Variants in RASEF observed in about 807,000 individuals in gnomAD.
RASEF encodes the protein ras and EF-hand domain-containing protein.
RASEF carries 68 observed loss-of-function variants against 90.1 expected under a neutral mutation model. That is an observed-to-expected ratio of 0.75 (90% CI 0.62 to 0.92). The LOEUF (loss-of-function observed/expected upper bound fraction) is 0.92, where lower values mean the gene tolerates loss of function less well. RASEF is among the 40% of genes least tolerant of loss of function. The pLI, the probability that RASEF is intolerant of heterozygous loss-of-function variation, is 0.00. For synonymous variants in RASEF, 331 were observed against 345.2 expected, an observed-to-expected ratio of 0.96 and a Z score of 0.46; for missense variants, 949 against 937.2, an observed-to-expected ratio of 1.01 and a Z score of -0.16.
chr9:82,993,394 C>T (rs1828851337), intron 14 of RASEF, among the ~76,000 whole-genome samples: 1 of 152,108 alleles, frequency 6.6e-6, no homozygotes, highest in Non-Finnish European at 1.5e-5. Flanking sequence ...TTCTTATCTC[C>T]AGCACACAGA....
Position 83,007,436 on chromosome 9 carries a change from C to G in RASEF, c.1028+1G>C. The stretch of plus-strand genomic sequence containing the variant: ...AATGAGCATTTGATCTGCGGACTTA[C>G]TGGAGTATTTCAATTTGCCTCTCAA... On this transcript the variant is annotated splice_donor_variant, in intron 7 of 16. Coordinates refer to ENST00000376447, the MANE Select transcript of RASEF (RefSeq NM_152573.4). LOFTEE classifies it high-confidence loss of function. 1 of 1,603,016 alleles carries G rather than the reference C, an allele frequency of 6.2e-7. No homozygotes were observed. The highest frequency in any genetic ancestry group is 8.5e-7 in the Non-Finnish European group (1 of 1,169,890).
At chr9:83,088,403 TA>T in the RASEF span, among the ~76,000 whole-genome samples, 3 of 151,870 alleles carry the variant, frequency 2.0e-5, no homozygotes, top group Non-Finnish European at 4.4e-5. Context: ...GATAGATAGA[TA>T]GATAGATACA....
the RASEF span, among the ~76,000 whole-genome samples, chr9:83,209,422 T>A: frequency 6.6e-6 from 1 of 152,202 alleles, no homozygotes; most frequent in African/African-American, 2.4e-5. Context: ...GCAAATTTTT[T>A]AAAAAGAGAC....
the RASEF span, among the ~76,000 whole-genome samples, chr9:83,084,556 G>A: frequency 6.6e-6 from 1 of 152,088 alleles, no homozygotes; most frequent in Non-Finnish European, 1.5e-5. Context: ...AGGATTGTGG[G>A]GGCGACTTGA....
chr9:83,073,898 G>A, the RASEF span, among the ~76,000 whole-genome samples: 1 of 152,166 alleles, frequency 6.6e-6, no homozygotes, highest in Non-Finnish European at 1.5e-5. Flanking sequence ...ATTATTTGGA[G>A]GAGGTGGTGT....
At chr9:83,205,901 TAGCTGGTCA>T in the RASEF span, among the ~76,000 whole-genome samples, 1 of 152,194 alleles carries the variant, frequency 6.6e-6, no homozygotes, top group Non-Finnish European at 1.5e-5. Context: ...GGACCTCCTA[TAGCTGGTCA>T]TTCTGAATAT....
the RASEF span, among the ~76,000 whole-genome samples, chr9:83,191,324 T>A: frequency 6.6e-6 from 1 of 152,120 alleles, no homozygotes; most frequent in South Asian, 2.1e-4. Context: ...ACAGAAGACA[T>A]CTTAGTTGGA....
At chr9:83,084,456 A>T in the RASEF span, among the ~76,000 whole-genome samples, 2 of 152,216 alleles carry the variant, frequency 1.3e-5, no homozygotes, top group African/African-American at 4.8e-5. Flanking sequence ...GTCTTACATG[A>T]ATTAACCTGG....
At chr9:83,005,564 C>T in intron 7 of RASEF, 64 bp from the exon 8 acceptor site, 1 of 1,203,674 alleles carries the variant, frequency 8.3e-7, no homozygotes. Context: ...TCACTGTCAT[C>T]ACTTTCTTTT....
At chr9:83,036,046 T>C (rs1384643354) in intron 1 of RASEF, among the ~76,000 whole-genome samples, 1 of 152,224 alleles carries the variant, frequency 6.6e-6, no homozygotes, top group Non-Finnish European at 1.5e-5. Context: ...CCTGTTAGTG[T>C]GTGAGACATC....
the RASEF span, among the ~76,000 whole-genome samples, chr9:83,076,437 A>C: frequency 6.6e-6 from 1 of 152,130 alleles, no homozygotes; most frequent in Non-Finnish European, 1.5e-5. Context: ...TTAAGAAAAA[A>C]AAAAAGGTCA....
At chr9:83,151,959 G>A in the RASEF span, among the ~76,000 whole-genome samples, 124 of 152,248 alleles carry the variant, frequency 8.1e-4, 1 homozygote, top group South Asian at 1.5e-3. Context: ...ACACGGCGTC[G>A]CAAAACCAAG....
chr9:83,031,267 A>G (rs1046519876), intron 1 of RASEF, among the ~76,000 whole-genome samples: 8 of 152,210 alleles, frequency 5.3e-5, no homozygotes, highest in Admixed American at 3.3e-4. Context: ...AGCTTCACAT[A>G]TTAAGTATGT....
chr9:83,035,188 A>G (rs192582290), intron 1 of RASEF, among the ~76,000 whole-genome samples: 2 of 152,226 alleles, frequency 1.3e-5, no homozygotes. Context: ...TTTTCTGTGA[A>G]GCACCAGGTA....
the RASEF span, among the ~76,000 whole-genome samples, chr9:83,189,130 G>A: frequency 3.2e-4 from 49 of 152,310 alleles, no homozygotes; most frequent in African/African-American, 9.9e-4. Flanking sequence ...CCCACATGTC[G>A]TGGGAGGGGC....
chr9:83,107,758 G>A, the RASEF span, among the ~76,000 whole-genome samples: 1 of 152,138 alleles, frequency 6.6e-6, no homozygotes, highest in African/African-American at 2.4e-5. Context: ...ACTCCATGTA[G>A]TGGGAGGGTG....
the RASEF span, among the ~76,000 whole-genome samples, chr9:83,083,236 T>C: frequency 1.3e-5 from 2 of 152,176 alleles, no homozygotes; most frequent in African/African-American, 4.8e-5. Context: ...AAATGGTCTA[T>C]GGCCATACTA....
the RASEF span, among the ~76,000 whole-genome samples, chr9:83,134,045 C>T: frequency 4.6e-5 from 7 of 152,092 alleles, no homozygotes; most frequent in Admixed American, 2.0e-4. Flanking sequence ...TCAACATTAA[C>T]AATATAGGTA....
the RASEF span, among the ~76,000 whole-genome samples, chr9:83,100,024 G>A: frequency 2.0e-5 from 3 of 152,170 alleles, no homozygotes; most frequent in Admixed American, 1.3e-4. Flanking sequence ...TAATTTAAGA[G>A]TTTTTCGTGC....
Sources: allele counts gnomAD v4.1 joint callset (sites outside exome capture counted in the v4.1 genomes callset), GRCh38; gene constraint gnomAD v4.1.1; transcripts MANE v1.5; gene names NCBI Gene and HGNC (gene_info 2026-07-23, HGNC 2026-07-21).